The following DAB2 variants were observed in gnomAD, a reference collection of about 807,000 sequenced individuals.
DAB2 encodes the protein DAB adaptor protein 2.
A neutral mutation model predicts 71.6 loss-of-function variants in DAB2; 28 were observed. The observed-to-expected ratio is 0.39, with a 90% CI of 0.29 to 0.54. DAB2 has a LOEUF of 0.54. Among genes scored for constraint, DAB2 ranks in the 20% least tolerant of loss-of-function variants. The probability of loss-of-function intolerance (pLI) is 0.68; values close to 1 mark genes in which losing one functional copy is unlikely to be tolerated. For synonymous variants in DAB2, 345 were observed against 339.7 expected (o/e 1.02, Z -0.17); for missense variants, 867 against 928.8 (o/e 0.93, Z 0.86).
chr5:39,376,405 T>C (rs1383285614), intron 12 of DAB2, among the ~76,000 whole-genome samples: 1 of 152,166 alleles, frequency 6.6e-6, no homozygotes, highest in Admixed American at 6.5e-5. Context: ...TTTCAATAGC[T>C]CATGGCAGCC....
At chr5:39,401,721 T>G (rs1579918109) in intron 1 of DAB2, among the ~76,000 whole-genome samples, 1 of 124,776 alleles carries the variant, frequency 8.0e-6, no homozygotes, top group East Asian at 2.2e-4. Flanking sequence ...AAGACATACC[T>G]GAGACTGGGT....
At chr5:39,381,420 A>G in intron 11 of DAB2, 34 bp downstream of exon 11, 1 of 1,596,330 alleles carries the variant, frequency 6.3e-7, no homozygotes, top group Non-Finnish European at 8.6e-7. Context: ...CAAAAGCAAA[A>G]GAGTCATACT....
At chr5:39,399,349 A>G (rs1292366781) in intron 1 of DAB2, among the ~76,000 whole-genome samples, 3 of 152,244 alleles carry the variant, frequency 2.0e-5, no homozygotes, top group African/African-American at 7.2e-5. Context: ...CCATCTAAAA[A>G]TAGCTAGTTT....
rs1208003035 is a variant in DAB2 at position 39,389,092 on chromosome 5, T to G, written c.570+5A>C. 6 of 1,612,818 alleles carry G rather than the reference T, an allele frequency of 3.7e-6. No homozygotes were observed. The African/African-American group carries it at 4.0e-5, about 11-fold the overall frequency. On this transcript the variant is annotated splice_donor_5th_base_variant and intron_variant, in intron 7 of 14. Coordinates refer to ENST00000320816, the MANE Select transcript of DAB2 (RefSeq NM_001343.4). The stretch of plus-strand genomic sequence containing the variant: ...GATTAACAAGAAGTAAAGATGCAAT[T>G]TTACCTCAACTGCTTTGCTGGCTTC...
chr5:39,381,574 G>A lies in DAB2; in HGVS notation c.1384C>T (p.Pro462Ser). 4 of 1,614,066 alleles carry A rather than the reference G, an allele frequency of 2.5e-6. No individual in the cohort carries two copies. Among genetic ancestry groups the A allele is most frequent in the Non-Finnish European group, 2.5e-6 (3 of 1,179,970 alleles). Residue 462 changes from proline (P) to serine (S), a missense_variant, in exon 11 of 15, where the codon CCC becomes TCC. Transcript: ENST00000320816. ...DLLASDIFAP[P>S]VSEPSGQASP... ...GCCTGGCCTGAAGGTTCTGAGACGG[G>A]AGGAGCAAAGATGTCTGATGCAAGC... is the stretch of plus-strand genomic sequence containing the variant.
At position 39,376,019 on chromosome 5, in the gene DAB2, G is replaced by C. The variant is rs1449138276; in HGVS notation, c.2225C>G (p.Ser742Cys). Residue 742 changes from serine (S) to cysteine (C), a missense_variant, in exon 13 of 15, where the codon TCT becomes TGT. Transcript: ENST00000320816. ...NAFENPFFKD[S>C]FGSSQASVAS... ...TACAGAGGCTTGTGATGAACCAAAA[G>C]AATCTTTAAAGAAAGGGTTCTCAAA... 1 of 1,613,962 alleles carries C rather than the reference G, an allele frequency of 6.2e-7. No individual in the cohort carries two copies. The highest frequency in any genetic ancestry group is 2.2e-5 in the East Asian group (1 of 44,852).
chr5:39,408,165 T>C (rs1755647300), intron 1 of DAB2, among the ~76,000 whole-genome samples: 1 of 152,234 alleles, frequency 6.6e-6, no homozygotes, highest in African/African-American at 2.4e-5. Context: ...TCCAGCTGCC[T>C]TGTAAATCAG....
Position 39,376,064 on chromosome 5 carries a change from G to A in DAB2, c.2180C>T (p.Thr727Ile), listed in dbSNP as rs1414798097. 2 of 1,614,068 alleles carry A rather than the reference G, an allele frequency of 1.2e-6. No individual in the cohort carries two copies. The highest frequency in any genetic ancestry group is 1.7e-6 in the Non-Finnish European group (2 of 1,179,978). The change falls in exon 13 of 15, where the codon ACC becomes ATC. Residue 727 changes from threonine to isoleucine, a missense_variant. Thr to Ile is a moderately conservative substitution (Grantham distance 89). Transcript: ENST00000320816. ...PAPRQVSLPV[T>I]KSTDNAFENP... Reference sequence around the variant, plus strand: ...CTCAAATGCATTGTCAGTAGATTTGGTAACTGGCAGGGAAACTTGTCTGGG... The same window carrying A: ...CTCAAATGCATTGTCAGTAGATTTGATAACTGGCAGGGAAACTTGTCTGGG...
At chr5:39,417,845 C>T (rs1217123581) in intron 1 of DAB2, 3 of 152,134 alleles carry the variant, frequency 2.0e-5, no homozygotes, top group Admixed American at 6.5e-5. Context: ...TAGAAGACAG[C>T]GTGGACATTA....
intron 1 of DAB2, chr5:39,417,891 T>A (rs1755885758): frequency 6.6e-6 from 1 of 152,218 alleles, no homozygotes; most frequent in South Asian, 2.1e-4. Context: ...CTAGTACATG[T>A]ATGCTCTCTG....
intron 1 of DAB2, among the ~76,000 whole-genome samples, chr5:39,401,898 G>T (rs569994892): frequency 2.0e-5 from 3 of 151,898 alleles, no homozygotes; most frequent in African/African-American, 7.3e-5. Context: ...GACTACAGGC[G>T]CCTGCCATCA....
intron 14 of DAB2, 83 bp downstream of exon 14, chr5:39,374,930 TA>T: frequency 1.1e-6 from 1 of 892,380 alleles, no homozygotes; most frequent in Non-Finnish European, 1.8e-6. Flanking sequence ...TTCCCAATTC[TA>T]AAATTAAAAT....
intron 1 of DAB2, among the ~76,000 whole-genome samples, chr5:39,408,213 A>C (rs1755648171): frequency 6.6e-6 from 1 of 152,238 alleles, no homozygotes; most frequent in South Asian, 2.1e-4. Context: ...GATTGTATAC[A>C]GACAGGTGGA....
rs934270499 is a variant in DAB2, at chr5:39,390,000, A to G, written c.463-68T>C. 26 of 1,139,580 alleles carry G rather than the reference A, an allele frequency of 2.3e-5. No homozygotes were observed. In the African/African-American group the frequency reaches 3.9e-4, roughly 17 times the overall value. The allele number at this position is 1,139,580 out of a possible 1,614,324, so 70.6% of individuals were successfully genotyped here. ...TATTTTATTTCCTTTGTCTGCTATCAATTATAATTCATACTGGGATTTTTT... is the reference window on the plus strand; with the variant it reads ...TATTTTATTTCCTTTGTCTGCTATCGATTATAATTCATACTGGGATTTTTT... On this transcript the variant is annotated intron_variant, in intron 5 of 14. Transcript: ENST00000320816.
At chr5:39,408,351 G>A (rs1301864374) in intron 1 of DAB2, 1 of 152,138 alleles carries the variant, frequency 6.6e-6, no homozygotes, top group African/African-American at 2.4e-5. Flanking sequence ...GTTCTAGGTG[G>A]CATGTCCTTT....
intron 1 of DAB2, among the ~76,000 whole-genome samples, chr5:39,418,819 C>T (rs1222986825): frequency 6.6e-6 from 1 of 152,190 alleles, no homozygotes; most frequent in Non-Finnish European, 1.5e-5. Context: ...TTAGTTATTG[C>T]ATTGAGAATT....
Position 39,383,162 on chromosome 5 carries a change from G to T in DAB2, c.797C>A (p.Pro266His), listed in dbSNP as rs933004794. 2.5e-6 allele frequency: 4 copies of T among 1,614,100 alleles called. No individual in the cohort carries two copies. The highest frequency in any genetic ancestry group is 3.4e-6 in the Non-Finnish European group (4 of 1,180,000). ...LTNGITSCSL[P>H]RPTPQASFLP... Reference sequence around the variant, plus strand: ...GAAGGATGCCTGAGGCGTTGGTCGAGGAAGAGAACAGGAGGTGATGCCGTT... The same window carrying T: ...GAAGGATGCCTGAGGCGTTGGTCGATGAAGAGAACAGGAGGTGATGCCGTT... The change falls in exon 10 of 15, where the codon CCT (proline) becomes CAT (histidine). Residue 266 changes from proline (P) to histidine (H), a missense_variant. Pro to His is a moderately conservative substitution (Grantham distance 77). Around this residue, in one of 2 missense-constraint regions of DAB2, gnomAD observed 740 missense variants for 734.3 expected, o/e 1.01. Coordinates refer to ENST00000320816, the MANE Select transcript of DAB2 (RefSeq NM_001343.4).
intron 2 of DAB2, among the ~76,000 whole-genome samples, chr5:39,393,928 T>G (rs182590517): frequency 6.6e-6 from 1 of 152,250 alleles, no homozygotes; most frequent in East Asian, 1.9e-4. Context: ...AAATGGTAAA[T>G]AAATAACTGA....
At chr5:39,418,136 C>A (rs1420464075) in intron 1 of DAB2, 3 of 152,208 alleles carry the variant, frequency 2.0e-5, no homozygotes, top group Admixed American at 2.0e-4. Context: ...ATAACTAAAG[C>A]ACAGCTGACC....
Sources: gnomAD v4.1 joint callset for allele counts (sites outside exome capture counted in the v4.1 genomes callset) on GRCh38, gnomAD v4.1.1 for gene constraint, gnomAD v4.1.1 regional missense constraint, MANE v1.5 for transcripts, NCBI Gene and HGNC (gene_info 2026-07-23, HGNC 2026-07-21) for gene names.